FBXL17: variants seen among roughly 807,000 people sequenced by gnomAD.
The protein encoded by FBXL17 is F-box/LRR-repeat protein 17.
A neutral mutation model predicts 66.2 loss-of-function variants in FBXL17; 22 were observed. The ratio of observed to expected loss-of-function variants is 0.33; its 90% confidence interval spans 0.24 to 0.47. FBXL17 has a LOEUF of 0.47. Ranked by LOEUF, FBXL17 falls within the 20% of genes least tolerant of loss-of-function variation. The pLI is 1.00. For missense variants in FBXL17, 878 were observed against 948.2 expected (o/e 0.93, Z 0.97); for synonymous variants, 474 against 400.5 (o/e 1.18, Z -2.19).
At chr5:108,247,321 T>C (rs1756147364) in intron 4 of FBXL17, among the ~76,000 whole-genome samples, 1 of 151,892 alleles carries the variant, frequency 6.6e-6, no homozygotes, top group African/African-American at 2.4e-5. Context: ...GTAGGGACCA[T>C]TGTAAAGAAA....
At chr5:108,068,328 A>G (rs1748190534) in intron 6 of FBXL17, among the ~76,000 whole-genome samples, 1 of 152,202 alleles carries the variant, frequency 6.6e-6, no homozygotes, top group South Asian at 2.1e-4. Flanking sequence ...ATCAAAAGTC[A>G]CTTCTCAGAA....
intron 7 of FBXL17, among the ~76,000 whole-genome samples, chr5:108,009,993 G>T (rs1754114953): frequency 1.3e-5 from 2 of 152,086 alleles, no homozygotes; most frequent in South Asian, 4.2e-4. Flanking sequence ...CCTCTAGCAG[G>T]TCATTCACTG....
intron 4 of FBXL17, among the ~76,000 whole-genome samples, chr5:108,316,865 G>C (rs894792032): frequency 2.0e-5 from 3 of 150,874 alleles, no homozygotes; most frequent in African/African-American, 7.3e-5. Flanking sequence ...TGGAAACTTT[G>C]TAAGTTATTA....
chr5:108,307,465 G>A (rs1458170299), intron 4 of FBXL17, among the ~76,000 whole-genome samples: 1 of 151,732 alleles, frequency 6.6e-6, no homozygotes, highest in Non-Finnish European at 1.5e-5. Context: ...TGTCGCCATA[G>A]CCACCTAATT....
intron 4 of FBXL17, among the ~76,000 whole-genome samples, chr5:108,244,533 G>A (rs1756005967): frequency 2.0e-5 from 3 of 152,030 alleles, no homozygotes; most frequent in East Asian, 1.9e-4. Flanking sequence ...GCTTAACAAG[G>A]GCTACCCACT....
intron 4 of FBXL17, among the ~76,000 whole-genome samples, chr5:108,253,614 C>A (rs1381484152): frequency 6.6e-6 from 1 of 152,140 alleles, no homozygotes; most frequent in Non-Finnish European, 1.5e-5. Flanking sequence ...CTCCTTGGTT[C>A]TAACATTCCG....
intron 4 of FBXL17, among the ~76,000 whole-genome samples, chr5:108,263,866 C>A (rs1409664161): frequency 6.6e-6 from 1 of 152,096 alleles, no homozygotes; most frequent in Non-Finnish European, 1.5e-5. Flanking sequence ...GAACAAACTA[C>A]CCAATATGAT....
intron 5 of FBXL17, among the ~76,000 whole-genome samples, chr5:108,208,632 G>C (rs1365693575): frequency 6.6e-6 from 1 of 152,070 alleles, no homozygotes; most frequent in Non-Finnish European, 1.5e-5. Flanking sequence ...GATACGTGGT[G>C]TTATTTCTTA....
intron 6 of FBXL17, among the ~76,000 whole-genome samples, chr5:108,185,418 G>C (rs1017941808): frequency 1.2e-4 from 18 of 152,114 alleles, no homozygotes; most frequent in African/African-American, 4.3e-4. Flanking sequence ...TCCTTCTCTA[G>C]CCATGTAAGA....
At position 108,154,590 on chromosome 5, in the gene FBXL17, CAA is replaced by C. The variant is rs1162622917; in HGVS notation, c.1745+31525_1745+31526del. Among the ~76,000 whole-genome samples the C allele has an allele frequency of 9.6e-3, 383 of 39,828 alleles. 3 individuals are homozygous for C. The highest frequency in any genetic ancestry group is 0.034 in the African/African-American group (334 of 9,934). 26.1% of individuals were successfully genotyped at this position (39,828 alleles called of 152,430 possible). On this transcript the variant is annotated intron_variant, in intron 6 of 8. Coordinates refer to ENST00000542267, the MANE Select transcript of FBXL17 (RefSeq NM_001163315.3). ...GGGCAACAAGAATGAAACTCAGTTT[CAA>C]AAAAAAAAAAAAAAATATATATATA...
At chr5:108,116,678 T>C (rs1750269047) in intron 6 of FBXL17, among the ~76,000 whole-genome samples, 1 of 151,332 alleles carries the variant, frequency 6.6e-6, no homozygotes, top group African/African-American at 2.4e-5. Flanking sequence ...AAAATAATAA[T>C]AAAACAAGTT....
chr5:108,334,266 T>A (rs1760272075), intron 4 of FBXL17, among the ~76,000 whole-genome samples: 1 of 152,192 alleles, frequency 6.6e-6, no homozygotes, highest in South Asian at 2.1e-4. Context: ...AAAATCAACT[T>A]GCCCTGACAC....
At chr5:107,883,437 T>G (rs1748860113) in intron 7 of FBXL17, among the ~76,000 whole-genome samples, 1 of 151,916 alleles carries the variant, frequency 6.6e-6, no homozygotes, top group Non-Finnish European at 1.5e-5. Context: ...GAATATAAGA[T>G]TCATGGAGCT....
rs7730637 is a variant in FBXL17 at position 108,260,548 on chromosome 5, A to T, written c.1507-36320T>A. ...GGAAACGGCAAAACCATGCCAGGCAACATCGTATTACAAGGAGGGAAGAAG... is the reference window on the plus strand; with the variant it reads ...GGAAACGGCAAAACCATGCCAGGCATCATCGTATTACAAGGAGGGAAGAAG... On this transcript the variant is annotated intron_variant, in intron 4 of 8. Transcript: ENST00000542267. Among the ~76,000 whole-genome samples the T allele has an allele frequency of 9.2e-3, 1,395 of 152,286 alleles. 24 individuals are homozygous for T. Among genetic ancestry groups the T allele is most frequent in the African/African-American group, 0.031 (1,268 of 41,564 alleles).
At chr5:107,868,711 T>C (rs568067210) in intron 8 of FBXL17, among the ~76,000 whole-genome samples, 1 of 152,290 alleles carries the variant, frequency 6.6e-6, no homozygotes, top group South Asian at 2.1e-4. Flanking sequence ...GAAGTGCAGG[T>C]TGCTGCAGAA....
At chr5:108,003,883 G>C (rs1753831724) in intron 7 of FBXL17, among the ~76,000 whole-genome samples, 1 of 152,122 alleles carries the variant, frequency 6.6e-6, no homozygotes, top group African/African-American at 2.4e-5. Context: ...GTCCAGAATA[G>C]AGATAATGGG....
At chr5:108,232,111 T>C (rs1755369952) in intron 4 of FBXL17, among the ~76,000 whole-genome samples, 2 of 152,238 alleles carry the variant, frequency 1.3e-5, no homozygotes, top group Admixed American at 6.5e-5. Flanking sequence ...GAGTATTTCC[T>C]CCTTCTTTTG....
chr5:107,988,997 TTC>T (rs1428136825), intron 7 of FBXL17, among the ~76,000 whole-genome samples: 18 of 152,042 alleles, frequency 1.2e-4, no homozygotes, highest in Non-Finnish European at 2.6e-4. Flanking sequence ...TTTTCTTTTT[TTC>T]TCTTTTTATT....
At chr5:108,328,485 T>G (rs1022242614) in intron 4 of FBXL17, among the ~76,000 whole-genome samples, 2 of 152,004 alleles carry the variant, frequency 1.3e-5, no homozygotes, top group African/African-American at 4.8e-5. Flanking sequence ...TTATGGCTAT[T>G]GTTTGTGATG....
Sources: gnomAD v4.1 joint callset for allele counts (sites outside exome capture counted in the v4.1 genomes callset) on GRCh38, gnomAD v4.1.1 for gene constraint, MANE v1.5 for transcripts, NCBI Gene and HGNC (gene_info 2026-07-23, HGNC 2026-07-21) for gene names.